Variants in CDC5L observed in about 807,000 individuals in gnomAD.
The protein encoded by CDC5L is cell division cycle 5-like protein.
In CDC5L, 18 loss-of-function variants were observed where a neutral mutation model predicts 104.1. That is an observed-to-expected ratio of 0.17 (90% CI 0.12 to 0.26). CDC5L has a LOEUF of 0.26. Among genes scored for constraint, CDC5L ranks in the 10% least tolerant of loss-of-function variants. The probability of loss-of-function intolerance (pLI) is 1.00; values close to 1 mark genes in which losing one functional copy is unlikely to be tolerated. For missense variants in CDC5L, 673 were observed against 956.9 expected (o/e 0.70, Z 3.91); for synonymous variants, 331 against 322.7 (o/e 1.03, Z -0.28).
intron 12 of CDC5L, 91 bp from the exon 13 acceptor site, chr6:44,426,390 TA>T: frequency 1.2e-6 from 1 of 867,016 alleles, no homozygotes; most frequent in Non-Finnish European, 1.8e-6. Flanking sequence ...TTTGAAAATG[TA>T]AAACCGCTGT....
intron 4 of CDC5L, 111 bp downstream of exon 4, chr6:44,393,684 A>G: frequency 9.1e-7 from 1 of 1,103,338 alleles, no homozygotes; most frequent in Non-Finnish European, 1.3e-6. Context: ...TTTTTTTTTG[A>G]GACAAGGTCT....
chr6:44,433,392 T>C (rs1015076911), intron 14 of CDC5L, among the ~76,000 whole-genome samples: 4 of 152,200 alleles, frequency 2.6e-5, no homozygotes, highest in African/African-American at 4.8e-5. Flanking sequence ...CTACTTTAAG[T>C]GGAAATAGGA....
intron 15 of CDC5L, 68 bp from the exon 16 acceptor site, chr6:44,446,539 A>C: frequency 6.2e-6 from 4 of 647,808 alleles, no homozygotes; most frequent in Non-Finnish European, 1.0e-5. Context: ...TTTTAAGATA[A>C]TAAAGTACTG....
At chr6:44,445,540 T>C (rs1793408793) in intron 14 of CDC5L, 115 bp from the exon 15 acceptor site, 3 of 649,662 alleles carry the variant, frequency 4.6e-6, no homozygotes, top group Non-Finnish European at 8.1e-6. Context: ...TATAAGGAGT[T>C]CTAGTGTATT....
chr6:44,419,059 A>G (rs1242983698), intron 8 of CDC5L, among the ~76,000 whole-genome samples: 2 of 152,108 alleles, frequency 1.3e-5, no homozygotes, highest in Non-Finnish European at 2.9e-5. Context: ...TGTTTTAGAC[A>G]TGAAGTCCTT....
At chr6:44,389,989 G>A (rs1176169849) in intron 1 of CDC5L, among the ~76,000 whole-genome samples, 2 of 152,154 alleles carry the variant, frequency 1.3e-5, no homozygotes, top group African/African-American at 4.8e-5. Flanking sequence ...TCATAAAGTA[G>A]GGTTTCTCAG....
intron 5 of CDC5L, among the ~76,000 whole-genome samples, chr6:44,397,057 A>T (rs891675617): frequency 6.6e-6 from 1 of 152,158 alleles, no homozygotes; most frequent in African/African-American, 2.4e-5. Context: ...GGCAAGATTG[A>T]TTACATCATT....
intron 5 of CDC5L, among the ~76,000 whole-genome samples, chr6:44,401,088 C>T (rs534313631): frequency 1.3e-5 from 2 of 152,314 alleles, no homozygotes; most frequent in East Asian, 3.9e-4. Context: ...AGAACTTCCA[C>T]TGTTTTTGAT....
intron 6 of CDC5L, among the ~76,000 whole-genome samples, chr6:44,406,103 C>T (rs1041350557): frequency 2.0e-5 from 3 of 151,822 alleles, no homozygotes; most frequent in African/African-American, 4.8e-5. Flanking sequence ...GGTTTCGCCA[C>T]GTTGGCCAGG....
intron 11 of CDC5L, among the ~76,000 whole-genome samples, chr6:44,425,709 C>G (rs1233250277): frequency 6.6e-6 from 1 of 152,108 alleles, no homozygotes; most frequent in African/African-American, 2.4e-5. Context: ...CCACATTATT[C>G]ATAAGAATCA....
At chr6:44,407,079 A>AG (rs1214169868) in intron 7 of CDC5L, among the ~76,000 whole-genome samples, 1 of 152,202 alleles carries the variant, frequency 6.6e-6, no homozygotes, top group Non-Finnish European at 1.5e-5. Flanking sequence ...TTTTGTCAAC[A>AG]GGGTAGGGCT....
intron 14 of CDC5L, among the ~76,000 whole-genome samples, chr6:44,435,191 T>C (rs1213001378): frequency 6.6e-6 from 1 of 151,618 alleles, no homozygotes; most frequent in Non-Finnish European, 1.5e-5. Context: ...ATTTAATAGT[T>C]GTAAATATGA....
chr6:44,404,226 C>G (rs1216185446), intron 6 of CDC5L, among the ~76,000 whole-genome samples, 199 bp downstream of exon 6: 1 of 152,036 alleles, frequency 6.6e-6, no homozygotes, highest in Non-Finnish European at 1.5e-5. Context: ...CTTACTGAAG[C>G]CTTGACCTCC....
intron 12 of CDC5L, 108 bp downstream of exon 12, chr6:44,426,291 G>A (rs1792419118): frequency 2.5e-6 from 2 of 816,272 alleles, no homozygotes; most frequent in Admixed American, 2.7e-5. Context: ...TCTACTTTCT[G>A]GAATATAGCA....
At chr6:44,413,453 A>G (rs1176657658) in intron 8 of CDC5L, among the ~76,000 whole-genome samples, 2 of 152,202 alleles carry the variant, frequency 1.3e-5, no homozygotes, top group East Asian at 3.8e-4. Context: ...TGCTTTGAAC[A>G]GATGTTTGTG....
intron 8 of CDC5L, among the ~76,000 whole-genome samples, chr6:44,408,843 C>T (rs761647278): frequency 2.6e-5 from 4 of 152,112 alleles, no homozygotes; most frequent in African/African-American, 9.7e-5. Context: ...TATTAAAATT[C>T]GTAATTTTTT....
intron 4 of CDC5L, among the ~76,000 whole-genome samples, chr6:44,394,129 C>T (rs571373227): frequency 2.1e-4 from 32 of 152,230 alleles, no homozygotes; most frequent in Non-Finnish European, 3.8e-4. Flanking sequence ...GTGGTATGTG[C>T]CTGTAGTGCT....
intron 2 of CDC5L, among the ~76,000 whole-genome samples, chr6:44,391,679 A>G (rs991706608): frequency 6.6e-6 from 1 of 152,154 alleles, no homozygotes; most frequent in Non-Finnish European, 1.5e-5. Context: ...AGAATGACCT[A>G]ATTTCCTAGG....
At chr6:44,434,109 AG>A (rs1792814046) in intron 14 of CDC5L, among the ~76,000 whole-genome samples, 1 of 152,166 alleles carries the variant, frequency 6.6e-6, no homozygotes, top group South Asian at 2.1e-4. Flanking sequence ...CAGATTTCGT[AG>A]TTGTCTCTGG....
Sources: allele counts gnomAD v4.1 joint callset (sites outside exome capture counted in the v4.1 genomes callset), GRCh38; gene constraint gnomAD v4.1.1; transcripts MANE v1.5; gene names NCBI Gene and HGNC (gene_info 2026-07-23, HGNC 2026-07-21).